The following ELP6 variants were observed in gnomAD, a reference collection of about 807,000 sequenced individuals.
The protein encoded by ELP6 is elongator complex protein 6.
A neutral mutation model predicts 28.1 loss-of-function variants in ELP6; 23 were observed. That is an observed-to-expected ratio of 0.82 (90% confidence interval 0.59 to 1.16). The LOEUF is 1.16. Among genes scored for constraint, ELP6 ranks in the 50% most tolerant of loss-of-function variants. The pLI is 0.00. For missense variants in ELP6, 313 were observed against 334.6 expected (o/e 0.94, Z 0.50); for synonymous variants, 132 against 135.8 (o/e 0.97, Z 0.19).
rs944937595 is a variant in ELP6 at position 47,500,294 on chromosome 3, T to C, written c.525+1356A>G. On this transcript the variant is annotated intron_variant, in intron 5 of 6. Transcript: ENST00000296149. ...GAAGAAAAATGCAGGGAGACAAATA[T>C]GTGCATATACTTTGAGAGGCCGAGG... 5 of 1,024,438 alleles carry C rather than the reference T, an allele frequency of 4.9e-6. No homozygotes were observed. The African/African-American group carries it at 5.2e-5, about 11-fold the overall frequency. 63.5% of individuals were successfully genotyped at this position (1,024,438 alleles called of 1,614,324 possible).
intron 6 of ELP6, chr3:47,497,071 G>T (rs1286619027): frequency 1.0e-6 from 1 of 977,966 alleles, no homozygotes; most frequent in East Asian, 1.1e-4. Context: ...GAAGGACTCT[G>T]GGCCAAGACT....
chr3:47,508,378 G>C (rs2108123274), intron 3 of ELP6, among the ~76,000 whole-genome samples: 1 of 152,216 alleles, frequency 6.6e-6, no homozygotes, highest in Non-Finnish European at 1.5e-5. Context: ...CAAGTAGCTG[G>C]GATTATAGGC....
At chr3:47,502,519 CAGG>C (rs1708697329) in intron 4 of ELP6, 4 of 984,634 alleles carry the variant, frequency 4.1e-6, no homozygotes, top group South Asian at 4.7e-5. Context: ...GAAACCTTCC[CAGG>C]AGGTTATACA....
intron 3 of ELP6, among the ~76,000 whole-genome samples, chr3:47,507,969 AAC>A (rs1219362729): frequency 1.0e-5 from 1 of 97,298 alleles, no homozygotes; most frequent in Non-Finnish European, 2.4e-5. Flanking sequence ...TAGATATGCG[AAC>A]ACACAGCTAT....
At chr3:47,497,226 C>T (rs1708502122) in intron 6 of ELP6, 1 of 985,398 alleles carries the variant, frequency 1.0e-6, no homozygotes, top group African/African-American at 1.7e-5. Context: ...AATCCAGCTT[C>T]CCTCCCAGGG....
At chr3:47,511,293 T>C in intron 1 of ELP6, 67 bp from the exon 2 acceptor site, 2 of 1,559,192 alleles carry the variant, frequency 1.3e-6, no homozygotes, top group Non-Finnish European at 1.8e-6. Context: ...TGCAGAAATC[T>C]AGTCAATTGT....
chr3:47,509,945 A>C, intron 3 of ELP6: 1 of 344,784 alleles, frequency 2.9e-6, no homozygotes, highest in Non-Finnish European at 5.3e-6. Context: ...TATTTTTAGT[A>C]GAGATGGGGT....
chr3:47,496,012 C>CTCTATCT lies in ELP6; in HGVS notation c.*50_*56dup, dbSNP rs1444059595. The stretch of plus-strand genomic sequence containing the variant: ...AGAAAGACCCATTCTTGCTATGTTG[C>CTCTATCT]TCTATCTTCCACGTCCAAAAACAGT... On this transcript the variant is annotated 3_prime_UTR_variant, in exon 7 of 7. Transcript: ENST00000296149. 2 of 1,611,290 alleles carry CTCTATCT rather than the reference C, an allele frequency of 1.2e-6. No individual in the cohort carries two copies. The highest frequency in any genetic ancestry group is 1.7e-5 in the Admixed American group (1 of 59,228).
At chr3:47,511,032 C>T in intron 2 of ELP6, 116 bp downstream of exon 2, 1 of 835,820 alleles carries the variant, frequency 1.2e-6, no homozygotes, top group South Asian at 1.6e-5. Flanking sequence ...CCCTAGGTAT[C>T]CCAACACCAA....
chr3:47,506,114 C>T (rs185014287), intron 3 of ELP6, among the ~76,000 whole-genome samples: 6 of 152,196 alleles, frequency 3.9e-5, no homozygotes, highest in African/African-American at 1.2e-4. Flanking sequence ...TCCGTGATGC[C>T]CCACAAGCCG....
Position 47,500,783 on chromosome 3 carries a change from G to C in ELP6, c.525+867C>G, listed in dbSNP as rs543437046. Reference sequence around the variant, plus strand: ...GTTCCCTGAACAGAGCTTCCAGGCAGGACTTTGCATACAGGTGTTCAACAC... The same window carrying C: ...GTTCCCTGAACAGAGCTTCCAGGCACGACTTTGCATACAGGTGTTCAACAC... On this transcript the variant is annotated intron_variant, in intron 5 of 6. Transcript: ENST00000296149. Among the ~76,000 whole-genome samples the C allele has an allele frequency of 2.2e-3, 337 of 152,326 alleles. 4 individuals carry two copies. Among genetic ancestry groups the C allele is most frequent in the African/African-American group, 7.7e-3 (319 of 41,580 alleles).
At chr3:47,512,584 C>T in intron 1 of ELP6, 1 of 982,182 alleles carries the variant, frequency 1.0e-6, no homozygotes, top group South Asian at 4.7e-5. Flanking sequence ...CCAAAAGATA[C>T]ACTCCTGAAA....
At chr3:47,503,839 C>T (rs965715818) in intron 4 of ELP6, among the ~76,000 whole-genome samples, 7 of 151,946 alleles carry the variant, frequency 4.6e-5, no homozygotes, top group South Asian at 2.1e-4. Context: ...TGCAGTGAGC[C>T]GAGATCACGC....
At chr3:47,505,778 G>C (rs1708816361) in intron 3 of ELP6, among the ~76,000 whole-genome samples, 2 of 152,102 alleles carry the variant, frequency 1.3e-5, no homozygotes, top group Admixed American at 1.3e-4. Flanking sequence ...CTCCATGTTG[G>C]TCAGCCTGGT....
At position 47,510,187 on chromosome 3, in the gene ELP6, C is replaced by T; in HGVS notation, c.201G>A (p.Lys67=). 6.2e-7 allele frequency: 1 copy of T among 1,613,344 alleles called. No homozygotes were observed. Among genetic ancestry groups the T allele is most frequent in the Non-Finnish European group, 8.5e-7 (1 of 1,179,260 alleles). The change falls in exon 3 of 7, where the codon AAG becomes AAA. Residue 67 remains lysine, a synonymous_variant. Transcript: ENST00000296149. ...CATGGAGCTCCAAAATATTTACCAGCTTCTGTCCCACGATACTGTAGTGGC... is the reference window on the plus strand; with the variant it reads ...CATGGAGCTCCAAAATATTTACCAGTTTCTGTCCCACGATACTGTAGTGGC... ...SFSHYSIVGQ[K]LGVSLTMARE...
rs1017808218 is a variant in ELP6, at chr3:47,512,156, C to T, written c.55-930G>A. ...GGATCTACTGAAAGCTACAATTTGG[C>T]GCTATGGGGTCATAAAAAGGCTTTA... On this transcript the variant is annotated intron_variant, in intron 1 of 6. Transcript: ENST00000296149. The T allele has an allele frequency of 6.5e-5, 51 of 783,948 alleles. No individual in the cohort carries two copies. In the African/African-American group the frequency reaches 9.2e-4, roughly 14 times the overall value. 48.6% of individuals were successfully genotyped at this position (783,948 alleles called of 1,614,324 possible).
rs1236036043 is a variant in ELP6 at position 47,513,564 on chromosome 3, A to G, written c.27T>C (p.Leu9=). The G allele has an allele frequency of 6.2e-7, 1 of 1,612,998 alleles. No homozygotes were observed. The highest frequency in any genetic ancestry group is 1.7e-5 in the Admixed American group (1 of 59,888). MFVELNNL[L]NTTPDRAEQG... ...GCTCCGCCCTGTCGGGGGTGGTGTT[A>G]AGCAGGTTATTAAGTTCCACGAACA... is the stretch of plus-strand genomic sequence containing the variant. Residue 9 remains leucine, a synonymous_variant, in exon 1 of 7, where the codon CTT becomes CTC. Coordinates refer to ENST00000296149, the MANE Select transcript of ELP6 (RefSeq NM_001031703.3).
intron 5 of ELP6, among the ~76,000 whole-genome samples, chr3:47,499,395 T>C (rs1210430008): frequency 6.6e-6 from 1 of 151,958 alleles, no homozygotes; most frequent in Non-Finnish European, 1.5e-5. Context: ...GGCATGTGCC[T>C]GTAATCCCAG....
intron 6 of ELP6, chr3:47,496,987 C>T: frequency 1.0e-6 from 1 of 985,448 alleles, no homozygotes. Context: ...ACCTTCTCCT[C>T]AGGCCCTGCT....
Sources: gnomAD v4.1 joint callset for allele counts (sites outside exome capture counted in the v4.1 genomes callset) on GRCh38, gnomAD v4.1.1 for gene constraint, MANE v1.5 for transcripts, NCBI Gene and HGNC (gene_info 2026-07-23, HGNC 2026-07-21) for gene names.